The following VPS13C variants were observed in gnomAD, a reference collection of about 807,000 sequenced individuals.
VPS13C encodes the protein intermembrane lipid transfer protein VPS13C.
A neutral mutation model predicts 456.8 loss-of-function variants in VPS13C; 358 were observed. The ratio of observed to expected loss-of-function variants is 0.78; its 90% CI spans 0.72 to 0.86. The LOEUF (loss-of-function observed/expected upper bound fraction) is 0.86. Among genes scored for constraint, VPS13C ranks in the 40% least tolerant of loss-of-function variants. The probability of loss-of-function intolerance (pLI) is 0.00; values close to 1 mark genes in which losing one functional copy is unlikely to be tolerated. For synonymous variants in VPS13C, 1,578 were observed against 1,486.7 expected, an observed-to-expected ratio of 1.06 and a Z score of -1.41; for missense variants, 4,818 against 4,385.4, an observed-to-expected ratio of 1.10 and a Z score of -2.79.
chr15:61,885,108 G>A (rs1001908293), intron 67 of VPS13C, among the ~76,000 whole-genome samples: 15 of 152,144 alleles, frequency 9.9e-5, no homozygotes, highest in African/African-American at 3.6e-4. Context: ...CCAAATACAT[G>A]TGGAAGTGGA....
In VPS13C at chr15:61,882,676, C is replaced by T; in HGVS notation, c.9544G>A (p.Asp3182Asn). 6.3e-7 allele frequency: 1 copy of T among 1,599,814 alleles called. No homozygotes were observed. Among genetic ancestry groups the T allele is most frequent in the South Asian group, 1.1e-5 (1 of 87,458 alleles). Residue 3182 changes from aspartate to asparagine, a missense_variant, in exon 69 of 85, where the codon GAC becomes AAC. Around this residue, in one of 3 missense-constraint regions of VPS13C, gnomAD observed 4,552 missense variants for 4,130.6 expected, o/e 1.10. Coordinates refer to ENST00000644861, the MANE Select transcript of VPS13C (RefSeq NM_020821.3). ...RLPIRSPIKR[D>N]FLSGIQIEFK... ...TCAATCTGAATTCCTGATAAAAAGT[C>T]TCGTTTAATAGGGCTACGAATAGGG...
At chr15:62,029,067 CACATTGT>C (rs1330223893) in intron 5 of VPS13C, among the ~76,000 whole-genome samples, 1 of 152,026 alleles carries the variant, frequency 6.6e-6, no homozygotes, top group African/African-American at 2.4e-5. Context: ...GATGAAAGTT[CACATTGT>C]ACAGGGTTAA....
At chr15:61,979,388 T>G (rs781560401) in intron 22 of VPS13C, among the ~76,000 whole-genome samples, 40 of 152,166 alleles carry the variant, frequency 2.6e-4, no homozygotes, top group African/African-American at 8.2e-4. Context: ...GGCTTCAGTT[T>G]GAAAATGGCC....
chr15:62,000,431 C>G, intron 16 of VPS13C, 133 bp downstream of exon 16: 1 of 770,108 alleles, frequency 1.3e-6, no homozygotes, highest in Non-Finnish European at 2.0e-6. Context: ...TTTCAGTACT[C>G]CAGTTTCTTT....
rs2043989172 is a variant in VPS13C, at chr15:61,929,654, G to A, written c.6133C>T (p.Leu2045Phe). The change falls in exon 51 of 85, where the codon CTT becomes TTT. Residue 2045 changes from leucine to phenylalanine, a missense_variant. Coordinates refer to ENST00000644861, the MANE Select transcript of VPS13C (RefSeq NM_020821.3). ...DKNGSQIDAV[L>F]DKLYVCASVE... ...CTGGCACATACATACAGCTTGTCAAGAACAGCATCAATTTGACTTCCATTT... is the reference window on the plus strand; with the variant it reads ...CTGGCACATACATACAGCTTGTCAAAAACAGCATCAATTTGACTTCCATTT... 1 of 1,613,974 alleles carries A rather than the reference G, an allele frequency of 6.2e-7. No homozygotes were observed.
intron 55 of VPS13C, 109 bp from the exon 56 acceptor site, chr15:61,920,756 CAA>C: frequency 1.0e-6 from 1 of 973,158 alleles, no homozygotes; most frequent in East Asian, 3.1e-5. Flanking sequence ...TAATGCTTCG[CAA>C]AAGTCTTATT....
chr15:61,907,193 A>C lies in VPS13C; in HGVS notation c.9105+71T>G, dbSNP rs1338858900. ...TTTAGTTCAATTAGGACAAGGAGTC[A>C]GTGAAGATAGCTTCTCTACTTCCTT... On this transcript the variant is annotated intron_variant, in intron 66 of 84. Transcript: ENST00000644861. 1.9e-6 allele frequency: 3 copies of C among 1,604,346 alleles called. No homozygotes were observed. The Admixed American group carries it at 5.0e-5, about 27-fold the overall frequency.
intron 74 of VPS13C, 150 bp from the exon 75 acceptor site, chr15:61,877,204 A>G: frequency 2.0e-6 from 1 of 501,898 alleles, no homozygotes; most frequent in Non-Finnish European, 3.5e-6. Context: ...TGATTGTCTT[A>G]ATAATGGTTA....
intron 8 of VPS13C, among the ~76,000 whole-genome samples, chr15:62,022,008 A>G (rs968873110): frequency 1.3e-5 from 2 of 151,882 alleles, no homozygotes; most frequent in African/African-American, 4.8e-5. Context: ...GCTGAATAGT[A>G]TTCCAATATG....
chr15:61,884,284 C>T lies in VPS13C; in HGVS notation c.9342-15G>A, dbSNP rs377556145. On this transcript the variant is annotated splice_polypyrimidine_tract_variant and intron_variant, in intron 67 of 84. Coordinates refer to ENST00000644861, the MANE Select transcript of VPS13C (RefSeq NM_020821.3). ...CAACACCAGAACTAAATAATTCACACAAAAAAATTAAATTAGCAATATGTA... is the reference window on the plus strand; with the variant it reads ...CAACACCAGAACTAAATAATTCACATAAAAAAATTAAATTAGCAATATGTA... 6.2e-7 allele frequency: 1 copy of T among 1,604,404 alleles called. No homozygotes were observed. The highest frequency in any genetic ancestry group is 1.3e-5 in the African/African-American group (1 of 74,338).
chr15:61,962,976 G>T, intron 32 of VPS13C, 124 bp from the exon 33 acceptor site: 1 of 542,604 alleles, frequency 1.8e-6, no homozygotes, highest in Non-Finnish European at 3.0e-6. Flanking sequence ...ACTCCCAATG[G>T]ATAAATAAGT....
rs141515062 is a variant in VPS13C, at chr15:61,984,885, A to T, written c.1693T>A (p.Ser565Thr). The stretch of plus-strand genomic sequence containing the variant: ...AGTGCTTGTGCTCCTGGTCGCTGAG[A>T]TACTTGAGTGCCCAGGCCAATTATC... ...IQIIGLGTQV[S>T]QRPGAQALKV... Residue 565 changes from serine (S) to threonine (T), a missense_variant, in exon 19 of 85, where the codon TCT becomes ACT. Ser to Thr is a moderately conservative substitution (Grantham distance 58). Around this residue, in one of 3 missense-constraint regions of VPS13C, gnomAD observed 4,552 missense variants for 4,130.6 expected, o/e 1.10. Transcript: ENST00000644861. 2.6e-4 allele frequency: 420 copies of T among 1,613,300 alleles called. No homozygotes were observed. The highest frequency in any genetic ancestry group is 3.1e-4 in the Non-Finnish European group (363 of 1,179,782).
chr15:62,024,011 A>G (rs1255849349), intron 6 of VPS13C, among the ~76,000 whole-genome samples, 166 bp from the exon 7 acceptor site: 1 of 152,052 alleles, frequency 6.6e-6, no homozygotes, highest in Non-Finnish European at 1.5e-5. Flanking sequence ...AAATTTACAA[A>G]CCTTCTTTAG....
chr15:61,913,358 C>G lies in VPS13C; in HGVS notation c.8503G>C (p.Gly2835Arg). 6.2e-7 allele frequency: 1 copy of G among 1,614,056 alleles called. No homozygotes were observed. The highest frequency in any genetic ancestry group is 8.5e-7 in the Non-Finnish European group (1 of 1,180,006). The change falls in exon 62 of 85, where the codon GGA becomes CGA. Residue 2835 changes from glycine to arginine, a missense_variant. By Grantham distance (125) the Gly-to-Arg change is moderately radical. This residue lies in a region of VPS13C where 4,552 missense variants were observed against 4,130.6 expected (regional missense o/e 1.10). Coordinates refer to ENST00000644861, the MANE Select transcript of VPS13C (RefSeq NM_020821.3). ...WSSSFSLDTVGSYGCVKCPAN... is the reference protein window; with the variant it reads ...WSSSFSLDTVRSYGCVKCPAN... ...GGACACTTCACACACCCATAACTTC[C>G]CACTGTATCCAATGAGAAACTACTG...
At chr15:61,905,637 T>A (rs535114537) in intron 66 of VPS13C, among the ~76,000 whole-genome samples, 2 of 152,252 alleles carry the variant, frequency 1.3e-5, no homozygotes, top group African/African-American at 4.8e-5. Flanking sequence ...ATAAAATGTA[T>A]CTGTCATTTA....
intron 15 of VPS13C, among the ~76,000 whole-genome samples, chr15:62,006,266 C>T (rs2140486283): frequency 6.6e-6 from 1 of 152,176 alleles, no homozygotes; most frequent in East Asian, 1.9e-4. Context: ...CCCCGCACCC[C>T]ACAACAGTCC....
At chr15:62,046,767 A>C (rs947869519) in intron 1 of VPS13C, among the ~76,000 whole-genome samples, 2 of 152,222 alleles carry the variant, frequency 1.3e-5, no homozygotes, top group African/African-American at 4.8e-5. Context: ...TCCTGCAGTG[A>C]CACTTTACTT....
At chr15:61,915,207 C>T (rs1347079905) in intron 61 of VPS13C, among the ~76,000 whole-genome samples, 1 of 152,136 alleles carries the variant, frequency 6.6e-6, no homozygotes, top group East Asian at 1.9e-4. Context: ...AAAGAAGAGA[C>T]CAGAGCATAA....
intron 45 of VPS13C, among the ~76,000 whole-genome samples, chr15:61,943,569 C>CAAAAGAATGAA (rs2044502756): frequency 6.6e-6 from 1 of 151,952 alleles, no homozygotes; most frequent in Non-Finnish European, 1.5e-5. Flanking sequence ...TAGCCATATG[C>CAAAAGAATGAA]AAAAGAATGA....
Sources: gnomAD v4.1 joint callset for allele counts (sites outside exome capture counted in the v4.1 genomes callset) on GRCh38, gnomAD v4.1.1 for gene constraint, gnomAD v4.1.1 regional missense constraint, MANE v1.5 for transcripts, NCBI Gene and HGNC (gene_info 2026-07-23, HGNC 2026-07-21) for gene names.